SV2C: variants seen among roughly 807,000 people sequenced by gnomAD.
The protein encoded by SV2C is solute carrier family 22 member B3.
In SV2C, 49 loss-of-function variants were observed where a neutral mutation model predicts 79.7. The ratio of observed to expected loss-of-function variants is 0.61; its 90% CI spans 0.49 to 0.78. SV2C has a LOEUF of 0.78. SV2C is among the 30% of genes least tolerant of loss of function. The pLI, the probability that SV2C is intolerant of heterozygous loss-of-function variation, is 0.00. For missense variants in SV2C, 833 were observed against 912.9 expected (o/e 0.91, Z 1.13); for synonymous variants, 334 against 333.2 (o/e 1.00, Z -0.03).
At chr5:76,267,974 C>G (rs1312081913) in intron 4 of SV2C, among the ~76,000 whole-genome samples, 3 of 152,186 alleles carry the variant, frequency 2.0e-5, no homozygotes, top group Admixed American at 2.0e-4. Context: ...GGTCCCAGCC[C>G]AGCCCTCCTA....
At chr5:75,892,493 G>C in the SV2C span, among the ~76,000 whole-genome samples, 1 of 151,714 alleles carries the variant, frequency 6.6e-6, no homozygotes, top group Non-Finnish European at 1.5e-5. Flanking sequence ...TGGGTATATT[G>C]CATGATGCTG....
intron 1 of SV2C, among the ~76,000 whole-genome samples, chr5:76,086,575 A>G (rs1747206811): frequency 6.6e-6 from 1 of 152,234 alleles, no homozygotes; most frequent in East Asian, 1.9e-4. Context: ...AGTATTCTCC[A>G]TTTAAACACA....
the SV2C span, among the ~76,000 whole-genome samples, chr5:75,881,193 C>T: frequency 2.2e-4 from 33 of 152,260 alleles, no homozygotes; most frequent in African/African-American, 5.8e-4. Flanking sequence ...TATGTTTCAA[C>T]GAGATTTGGA....
chr5:76,204,381 C>T (rs1744546186), intron 3 of SV2C, among the ~76,000 whole-genome samples: 1 of 152,118 alleles, frequency 6.6e-6, no homozygotes, highest in Non-Finnish European at 1.5e-5. Flanking sequence ...TAAAAGCTGC[C>T]AGAGTCAGCT....
chr5:75,937,146 G>A, the SV2C span, among the ~76,000 whole-genome samples: 1 of 152,104 alleles, frequency 6.6e-6, no homozygotes, highest in Non-Finnish European at 1.5e-5. Flanking sequence ...TAATTTCTTT[G>A]TAAAAATATT....
At chr5:75,919,927 T>A in the SV2C span, among the ~76,000 whole-genome samples, 1 of 152,254 alleles carries the variant, frequency 6.6e-6, no homozygotes, top group African/African-American at 2.4e-5. Flanking sequence ...TTTGGTTAAC[T>A]GCTGTCATAC....
intron 4 of SV2C, chr5:76,241,905 C>A: frequency 1.5e-6 from 1 of 665,518 alleles, no homozygotes; most frequent in South Asian, 1.8e-5. Context: ...AACAACATAG[C>A]TTTAAAAAAA....
At chr5:76,268,807 G>T (rs373001002) in intron 4 of SV2C, among the ~76,000 whole-genome samples, 71 of 152,238 alleles carry the variant, frequency 4.7e-4, no homozygotes, top group African/African-American at 1.6e-3. Context: ...GGTACATAAA[G>T]TTGCTTCCAG....
chr5:76,035,249 C>A, the SV2C span, among the ~76,000 whole-genome samples: 1 of 151,056 alleles, frequency 6.6e-6, no homozygotes. Context: ...TCTCTATTTC[C>A]TTCAGTTCTG....
chr5:76,324,513 GAA>G (rs974238276), intron 12 of SV2C, among the ~76,000 whole-genome samples: 2 of 152,126 alleles, frequency 1.3e-5, no homozygotes, highest in African/African-American at 4.8e-5. Context: ...GTTCCTGAGA[GAA>G]GAGTTTGGAT....
chr5:76,316,805 T>C (rs974517463), intron 12 of SV2C, among the ~76,000 whole-genome samples: 1 of 152,180 alleles, frequency 6.6e-6, no homozygotes, highest in Non-Finnish European at 1.5e-5. Context: ...CCAGCCCCCC[T>C]GAGAAGCTTT....
At chr5:75,921,750 G>C in the SV2C span, 1 of 380,640 alleles carries the variant, frequency 2.6e-6, no homozygotes, top group African/African-American at 2.1e-5. Flanking sequence ...TTTTGTTTCA[G>C]AAGCTCATGG....
At chr5:76,209,997 T>C (rs552626450) in intron 4 of SV2C, 110 bp downstream of exon 4, 1 of 1,280,616 alleles carries the variant, frequency 7.8e-7, no homozygotes, top group African/African-American at 1.5e-5. Flanking sequence ...CTACTCATCA[T>C]CATGTTTCTC....
At chr5:76,337,168 C>G (rs1311694907), downstream of SV2C, among the ~76,000 whole-genome samples, 1 of 152,036 alleles carries the variant, frequency 6.6e-6, no homozygotes, top group Non-Finnish European at 1.5e-5. Flanking sequence ...ATCTGGAGAC[C>G]AGAAGTCTGA....
the SV2C span, among the ~76,000 whole-genome samples, chr5:75,862,454 GA>G: frequency 2.0e-5 from 3 of 152,166 alleles, no homozygotes; most frequent in African/African-American, 7.2e-5. Flanking sequence ...TTTGGAATCA[GA>G]AAAAATACAT....
intron 2 of SV2C, among the ~76,000 whole-genome samples, chr5:76,142,227 A>G (rs1399140409): frequency 2.0e-5 from 3 of 152,264 alleles, no homozygotes; most frequent in African/African-American, 7.2e-5. Flanking sequence ...TAAAAGAAGT[A>G]AATGAGTGTA....
At chr5:76,037,206 C>T in the SV2C span, among the ~76,000 whole-genome samples, 45,642 of 152,016 alleles carry the variant, frequency 0.3, 7,760 homozygotes, top group East Asian at 0.49. Flanking sequence ...TCCCATAGCT[C>T]GGAGTAATTT....
intron 2 of SV2C, among the ~76,000 whole-genome samples, chr5:76,160,243 G>T (rs929283401): frequency 2.0e-5 from 3 of 151,890 alleles, no homozygotes; most frequent in Non-Finnish European, 4.4e-5. Flanking sequence ...CAAAACATAC[G>T]GAATTTAAAG....
the SV2C span, among the ~76,000 whole-genome samples, chr5:75,984,567 A>ATCTATCTATATCTATCTATCTATCTATC: frequency 4.1e-4 from 42 of 102,920 alleles, no homozygotes; most frequent in African/African-American, 1.1e-3. Context: ...CTATCTATCT[A>ATCTATCTATATCTATCTATCTATCTATC]TATCTATCTA....
Sources: gnomAD v4.1 joint callset for allele counts (sites outside exome capture counted in the v4.1 genomes callset) on GRCh38, gnomAD v4.1.1 for gene constraint, MANE v1.5 for transcripts, NCBI Gene and HGNC (gene_info 2026-07-23, HGNC 2026-07-21) for gene names.